GALNTL6: variants seen among roughly 807,000 people sequenced by gnomAD.
GALNTL6 encodes the protein polypeptide N-acetylgalactosaminyltransferase like 6, also known as polypeptide N-acetylgalactosaminyltransferase-like 6.
Under a neutral mutation model 73.7 loss-of-function variants are expected in GALNTL6, and 46 were observed. The ratio of observed to expected loss-of-function variants is 0.62; its 90% CI spans 0.49 to 0.80. The LOEUF is 0.80. Among genes scored for constraint, GALNTL6 ranks in the 30% least tolerant of loss-of-function variants. The probability of loss-of-function intolerance (pLI) is 0.00; values close to 1 mark genes in which losing one functional copy is unlikely to be tolerated. For missense variants in GALNTL6, 604 were observed against 755.0 expected (o/e 0.80, Z 2.34); for synonymous variants, 259 against 263.7 (o/e 0.98, Z 0.17).
At chr4:173,024,137 T>C (rs1394281677) in intron 12 of GALNTL6, among the ~76,000 whole-genome samples, 1 of 152,110 alleles carries the variant, frequency 6.6e-6, no homozygotes, top group Admixed American at 6.5e-5. Flanking sequence ...ACAGAGCTCC[T>C]GGGGAGAAAA....
At chr4:172,035,586 A>G (rs1257346415) in intron 2 of GALNTL6, among the ~76,000 whole-genome samples, 2 of 152,166 alleles carry the variant, frequency 1.3e-5, no homozygotes, top group Non-Finnish European at 2.9e-5. Flanking sequence ...CCCAATGTTA[A>G]CACTATCAAA....
intron 2 of GALNTL6, among the ~76,000 whole-genome samples, chr4:172,182,487 G>A (rs1193157766): frequency 6.7e-6 from 1 of 149,246 alleles, no homozygotes; most frequent in Non-Finnish European, 1.5e-5. Flanking sequence ...TTTTGAGATG[G>A]GATATATTTA....
intron 2 of GALNTL6, among the ~76,000 whole-genome samples, chr4:172,034,063 T>C (rs2110826023): frequency 6.6e-6 from 1 of 152,264 alleles, no homozygotes; most frequent in East Asian, 1.9e-4. Flanking sequence ...TAGTGAGTTG[T>C]CGGGGCCCAA....
chr4:172,336,174 T>G (rs1435681805), intron 4 of GALNTL6, among the ~76,000 whole-genome samples: 1 of 152,070 alleles, frequency 6.6e-6, no homozygotes, highest in African/African-American at 2.4e-5. Context: ...GAATTTTGTT[T>G]ATTTATATCT....
chr4:172,516,344 A>G (rs906630601), intron 5 of GALNTL6, among the ~76,000 whole-genome samples: 6 of 152,170 alleles, frequency 3.9e-5, no homozygotes, highest in African/African-American at 1.4e-4. Flanking sequence ...GCATTGACCC[A>G]AGAAATTTCT....
chr4:171,982,290 T>C (rs1739918719), intron 2 of GALNTL6, among the ~76,000 whole-genome samples: 1 of 111,104 alleles, frequency 9.0e-6, no homozygotes, highest in Non-Finnish European at 2.2e-5. Context: ...GAAAGTATTT[T>C]GTTTGTTTGT....
chr4:172,905,064 A>G (rs1389471111), intron 8 of GALNTL6, among the ~76,000 whole-genome samples: 1 of 152,206 alleles, frequency 6.6e-6, no homozygotes, highest in Non-Finnish European at 1.5e-5. Flanking sequence ...GATGATAACT[A>G]TAATTTGAGC....
chr4:172,341,641 T>G (rs887390639), intron 4 of GALNTL6, among the ~76,000 whole-genome samples: 1 of 152,018 alleles, frequency 6.6e-6, no homozygotes, highest in Non-Finnish European at 1.5e-5. Flanking sequence ...TGAATGGGTA[T>G]CACGAGATCT....
At chr4:172,740,892 C>T (rs1437854) in intron 5 of GALNTL6, among the ~76,000 whole-genome samples, 47,520 of 151,802 alleles carry the variant, frequency 0.31, 8,070 homozygotes, top group Middle Eastern at 0.46. Context: ...ATGAATCAAG[C>T]GTATATTTTA....
intron 5 of GALNTL6, among the ~76,000 whole-genome samples, chr4:172,467,353 G>A (rs1460909993): frequency 6.6e-6 from 1 of 152,184 alleles, no homozygotes; most frequent in Non-Finnish European, 1.5e-5. Context: ...CAGCTACTCA[G>A]TAAATTTCGT....
chr4:172,994,860 T>C (rs1275372273), intron 10 of GALNTL6, among the ~76,000 whole-genome samples: 2 of 152,304 alleles, frequency 1.3e-5, no homozygotes, highest in Non-Finnish European at 2.9e-5. Flanking sequence ...ATGATTTTGA[T>C]TGCAGGTCTT....
chr4:172,167,681 G>A (rs536269168), intron 2 of GALNTL6, among the ~76,000 whole-genome samples: 22 of 152,212 alleles, frequency 1.4e-4, no homozygotes, highest in African/African-American at 3.6e-4. Context: ...ATTTCTGGCC[G>A]GGCGCGGTGG....
At chr4:172,206,120 AC>A (rs1283675779) in intron 2 of GALNTL6, among the ~76,000 whole-genome samples, 5 of 152,192 alleles carry the variant, frequency 3.3e-5, no homozygotes, top group African/African-American at 1.2e-4. Flanking sequence ...AATAAAATGA[AC>A]TAATTTCTAG....
intron 2 of GALNTL6, among the ~76,000 whole-genome samples, chr4:172,220,421 G>A (rs1264296269): frequency 1.3e-5 from 2 of 151,650 alleles, no homozygotes; most frequent in Non-Finnish European, 3.0e-5. Flanking sequence ...GCAGCCGAAT[G>A]GTGGATTGAA....
chr4:172,579,208 G>A (rs769350952), intron 5 of GALNTL6, among the ~76,000 whole-genome samples: 57 of 152,180 alleles, frequency 3.7e-4, no homozygotes, highest in Non-Finnish European at 5.3e-4. Flanking sequence ...CCCATTTACA[G>A]GAAACTAACA....
intron 5 of GALNTL6, among the ~76,000 whole-genome samples, chr4:172,399,261 A>G: frequency 6.6e-6 from 1 of 152,114 alleles, no homozygotes; most frequent in East Asian, 1.9e-4. Context: ...ACAAATACGT[A>G]TTATAAAAAG....
At chr4:172,821,233 G>C (rs543427051) in intron 7 of GALNTL6, among the ~76,000 whole-genome samples, 1 of 152,174 alleles carries the variant, frequency 6.6e-6, no homozygotes, top group Admixed American at 6.5e-5. Flanking sequence ...AGAAATGAAG[G>C]GACTATCGTG....
At chr4:172,120,678 T>G (rs1473860702) in intron 2 of GALNTL6, among the ~76,000 whole-genome samples, 1 of 151,128 alleles carries the variant, frequency 6.6e-6, no homozygotes, top group Non-Finnish European at 1.5e-5. Flanking sequence ...GGGGGTGGGG[T>G]GGGGAATTGA....
intron 2 of GALNTL6, among the ~76,000 whole-genome samples, chr4:172,210,271 T>G (rs999024795): frequency 1.3e-5 from 2 of 152,096 alleles, no homozygotes; most frequent in African/African-American, 4.8e-5. Context: ...AGGATACATT[T>G]ATTACAAATA....
Sources: allele counts gnomAD v4.1 joint callset (sites outside exome capture counted in the v4.1 genomes callset), GRCh38; gene constraint gnomAD v4.1.1; transcripts MANE v1.5; gene names NCBI Gene and HGNC (gene_info 2026-07-23, HGNC 2026-07-21).